The following PAG1 variants were observed in gnomAD, a reference collection of about 807,000 sequenced individuals.
The protein encoded by PAG1 is phosphoprotein associated with glycosphingolipid-enriched microdomains 1.
A neutral mutation model predicts 31.7 loss-of-function variants in PAG1; 23 were observed. That is an observed-to-expected ratio of 0.73 (90% CI 0.52 to 1.03). The LOEUF (loss-of-function observed/expected upper bound fraction) is 1.03. PAG1 is among the 50% of genes least tolerant of loss of function. The pLI, the probability that PAG1 is intolerant of heterozygous loss-of-function variation, is 0.00. For synonymous variants in PAG1, 214 were observed against 210.3 expected (o/e 1.02, Z -0.15); for missense variants, 473 against 540.7 (o/e 0.87, Z 1.24).
intron 2 of PAG1, among the ~76,000 whole-genome samples, chr8:81,042,838 GC>G (rs1808577445): frequency 6.6e-6 from 1 of 152,054 alleles, no homozygotes; most frequent in South Asian, 2.1e-4. Context: ...GTCATTGGTG[GC>G]TGTTTTGGTG....
In PAG1 at chr8:80,976,764, G is replaced by A; in HGVS notation, c.1079C>T (p.Ala360Val). Residue 360 changes from alanine to valine, a missense_variant, in exon 9 of 9, where the codon GCT becomes GTT. Physicochemically the swap from Ala to Val is moderately conservative, Grantham distance 64. Transcript: ENST00000220597. ...AGTTTTTTCGAAGTCTTTAACAGTAGCATAGAGATCATTACAGGAGGAGGG... is the reference window on the plus strand; with the variant it reads ...AGTTTTTTCGAAGTCTTTAACAGTAACATAGAGATCATTACAGGAGGAGGG... ...RSPSSCNDLYATVKDFEKTPN... is the reference protein window; with the variant it reads ...RSPSSCNDLYVTVKDFEKTPN... The A allele has an allele frequency of 6.2e-7, 1 of 1,614,142 alleles. No individual in the cohort carries two copies. The highest frequency in any genetic ancestry group is 8.5e-7 in the Non-Finnish European group (1 of 1,179,986).
chr8:80,979,161 C>T (rs1807245078), intron 8 of PAG1, among the ~76,000 whole-genome samples: 1 of 152,200 alleles, frequency 6.6e-6, no homozygotes, highest in Non-Finnish European at 1.5e-5. Flanking sequence ...ATAACTAGGT[C>T]CTGTTTCAAA....
chr8:80,994,536 G>A (rs1807631453), intron 3 of PAG1, among the ~76,000 whole-genome samples: 1 of 152,164 alleles, frequency 6.6e-6, no homozygotes. Flanking sequence ...CAGCAGAGCG[G>A]TGACTTCCCC....
At chr8:81,081,575 C>T (rs886402181) in intron 1 of PAG1, among the ~76,000 whole-genome samples, 1 of 152,106 alleles carries the variant, frequency 6.6e-6, no homozygotes, top group African/African-American at 2.4e-5. Flanking sequence ...CACCCACTTC[C>T]CTCCTGTCCC....
intron 3 of PAG1, among the ~76,000 whole-genome samples, chr8:81,009,905 G>A (rs545190417): frequency 2.6e-5 from 4 of 152,292 alleles, no homozygotes; most frequent in African/African-American, 9.6e-5. Flanking sequence ...GTGAGCCACT[G>A]TGCCCAGGCC....
At position 81,040,522 on chromosome 8, in the gene PAG1, C is replaced by A. The variant is rs73279918; in HGVS notation, c.-174-10433G>T. Among the ~76,000 whole-genome samples, 1,112 of 152,156 alleles carry A rather than the reference C, an allele frequency of 7.3e-3. 12 individuals are homozygous for A. The highest frequency in any genetic ancestry group is 0.025 in the African/African-American group (1,047 of 41,506). On this transcript the variant is annotated intron_variant, in intron 2 of 8. Coordinates refer to ENST00000220597, the MANE Select transcript of PAG1 (RefSeq NM_018440.4). ...AAGATTCTTCTGCAATGCCATGTCC[C>A]GATGAGGCATATCAAAATGCTTGCT... is the stretch of plus-strand genomic sequence containing the variant.
rs78333538 is a variant in PAG1 at position 81,008,418 on chromosome 8, C to T, written c.-80-15111G>A. ...AAGGTGTTCTGCAGTAGCCACTTAT[C>T]TATCATACGTTTTTGATTCTGTAGC... On this transcript the variant is annotated intron_variant, in intron 3 of 8. Coordinates refer to ENST00000220597, the MANE Select transcript of PAG1 (RefSeq NM_018440.4). 2.4e-4 allele frequency among the ~76,000 whole-genome samples: 36 copies of T among 151,998 alleles called. No individual in the cohort carries two copies. In the East Asian group the frequency reaches 6.2e-3, roughly 26 times the overall value.
At chr8:80,987,645 TG>T in intron 5 of PAG1, 179 bp from the exon 6 acceptor site, 1 of 552,626 alleles carries the variant, frequency 1.8e-6, no homozygotes, top group Non-Finnish European at 3.3e-6. Flanking sequence ...CCCCAGTGGA[TG>T]CCTAAAACCA....
chr8:80,977,495 T>C (rs969975612), intron 8 of PAG1, among the ~76,000 whole-genome samples: 1 of 152,352 alleles, frequency 6.6e-6, no homozygotes, highest in Non-Finnish European at 1.5e-5. Flanking sequence ...ACTCCATGCT[T>C]CCTGCATCAC....
intron 2 of PAG1, among the ~76,000 whole-genome samples, chr8:81,057,715 TA>T (rs939447611): frequency 3.9e-5 from 6 of 151,958 alleles, no homozygotes; most frequent in South Asian, 2.1e-4. Context: ...TAAAGTATAA[TA>T]AAAAAAATAA....
intron 3 of PAG1, among the ~76,000 whole-genome samples, chr8:81,010,189 AC>A: frequency 6.6e-6 from 1 of 152,204 alleles, no homozygotes; most frequent in Non-Finnish European, 1.5e-5. Flanking sequence ...TCCTCTTCCC[AC>A]ATAACGAGTC....
chr8:81,101,115 G>A (rs1483411468), intron 1 of PAG1, among the ~76,000 whole-genome samples: 2 of 152,214 alleles, frequency 1.3e-5, no homozygotes, highest in African/African-American at 4.8e-5. Flanking sequence ...TAAATTAAGT[G>A]TAAGTTTAGT....
chr8:81,079,021 C>A (rs1809221589), intron 1 of PAG1, among the ~76,000 whole-genome samples: 1 of 152,168 alleles, frequency 6.6e-6, no homozygotes, highest in South Asian at 2.1e-4. Context: ...GCTAAGAAGT[C>A]ACTGATCTCC....
At chr8:81,064,130 G>A (rs890230500) in intron 2 of PAG1, among the ~76,000 whole-genome samples, 9 of 152,146 alleles carry the variant, frequency 5.9e-5, no homozygotes, top group African/African-American at 1.9e-4. Flanking sequence ...GAGCCAAGAG[G>A]ACCTCTAAAG....
chr8:81,031,887 A>G (rs965807799), intron 2 of PAG1, among the ~76,000 whole-genome samples: 10 of 152,070 alleles, frequency 6.6e-5, no homozygotes, highest in African/African-American at 2.4e-4. Context: ...GCATCCAGGA[A>G]TAAACCCATA....
intron 2 of PAG1, among the ~76,000 whole-genome samples, chr8:81,040,191 T>C (rs1016656464): frequency 4.6e-5 from 7 of 152,222 alleles, no homozygotes; most frequent in Non-Finnish European, 2.9e-5. Flanking sequence ...GTTTCTGTTC[T>C]ATTGTTTAGT....
chr8:80,977,119 CTTAA>C (rs1199813374), intron 8 of PAG1, among the ~76,000 whole-genome samples: 2 of 152,182 alleles, frequency 1.3e-5, no homozygotes, highest in Non-Finnish European at 2.9e-5. Flanking sequence ...GTCATATTCC[CTTAA>C]TTCCGTGAAA....
chr8:81,002,995 G>A (rs1252180595), intron 3 of PAG1, among the ~76,000 whole-genome samples: 1 of 152,236 alleles, frequency 6.6e-6, no homozygotes, highest in East Asian at 1.9e-4. Context: ...GCCCCTTGTA[G>A]AGGAAGGGAC....
chr8:81,081,402 T>C (rs1270097780), intron 1 of PAG1, among the ~76,000 whole-genome samples: 1 of 152,176 alleles, frequency 6.6e-6, no homozygotes, highest in Non-Finnish European at 1.5e-5. Flanking sequence ...AGCAGTTACT[T>C]ATAATAAAGA....
Sources: gnomAD v4.1 joint callset for allele counts (sites outside exome capture counted in the v4.1 genomes callset) on GRCh38, gnomAD v4.1.1 for gene constraint, MANE v1.5 for transcripts, NCBI Gene and HGNC (gene_info 2026-07-23, HGNC 2026-07-21) for gene names.